C7orf33: variants seen among roughly 807,000 people sequenced by gnomAD.
C7orf33 encodes chromosome 7 open reading frame 33.
C7orf33 carries 15 observed loss-of-function variants against 13.4 expected under a neutral mutation model. The observed-to-expected ratio is 1.12, with a 90% confidence interval of 0.75 to 1.72. The LOEUF is 1.72. Among genes scored for constraint, C7orf33 ranks in the 40% most tolerant of loss-of-function variants. The probability of loss-of-function intolerance (pLI) is 0.00; values close to 1 mark genes in which losing one functional copy is unlikely to be tolerated. For synonymous variants in C7orf33, 73 were observed against 83.2 expected (o/e 0.88, Z 0.67); for missense variants, 187 against 220.3 (o/e 0.85, Z 0.96).
intron 1 of C7orf33, among the ~76,000 whole-genome samples, chr7:148,610,420 C>G (rs948802399): frequency 6.6e-6 from 1 of 152,098 alleles, no homozygotes; most frequent in African/African-American, 2.4e-5. Context: ...CTCTTTCTCC[C>G]GTGCTCGATG....
intron 1 of C7orf33, among the ~76,000 whole-genome samples, chr7:148,598,263 G>A (rs969136141): frequency 7.9e-5 from 12 of 151,910 alleles, no homozygotes; most frequent in African/African-American, 2.9e-4. Context: ...GCTGTTTTGT[G>A]TGCCATTCTA....
intron 1 of C7orf33, among the ~76,000 whole-genome samples, chr7:148,606,210 A>C (rs1181810348): frequency 6.6e-6 from 1 of 152,198 alleles, no homozygotes; most frequent in Non-Finnish European, 1.5e-5. Context: ...AGACAGTTAC[A>C]CTTTTCTTAG....
At chr7:148,607,393 C>G (rs2116899591) in intron 1 of C7orf33, among the ~76,000 whole-genome samples, 1 of 152,266 alleles carries the variant, frequency 6.6e-6, no homozygotes, top group South Asian at 2.1e-4. Context: ...TTTCCTGCAT[C>G]TGTTTCTTCT....
chr7:148,610,785 T>TA (rs1160361840), intron 1 of C7orf33, among the ~76,000 whole-genome samples: 2 of 151,904 alleles, frequency 1.3e-5, no homozygotes, highest in Non-Finnish European at 2.9e-5. Context: ...CAGGGCTAGT[T>TA]AAAAAACAAG....
In C7orf33 at chr7:148,591,126, TA is replaced by T. The variant is rs769347079; in HGVS notation, c.203del (p.Lys68ArgfsTer9). The stretch of plus-strand genomic sequence containing the variant: ...ACTTGTCATATGCCACGGGAAGACA[TA>T]AGGTAAGTTAATGATTCTAAGATGA... ...FNLSYATGRH[K>X]KPNPHQNMNR... On this transcript the variant is annotated frameshift_variant and splice_region_variant, in exon 1 of 3. Transcript: ENST00000307003. LOFTEE classifies it high-confidence loss of function. 1 of 1,612,312 alleles carries T rather than the reference TA, an allele frequency of 6.2e-7. No homozygotes were observed. Among genetic ancestry groups the T allele is most frequent in the South Asian group, 1.1e-5 (1 of 90,880 alleles).
chr7:148,594,053 C>T (rs1170726935), intron 1 of C7orf33, among the ~76,000 whole-genome samples: 1 of 151,960 alleles, frequency 6.6e-6, no homozygotes, highest in Non-Finnish European at 1.5e-5. Flanking sequence ...GTTCGATGTG[C>T]CTGCTTCTAC....
intron 1 of C7orf33, among the ~76,000 whole-genome samples, chr7:148,608,612 C>T (rs527721403): frequency 3.0e-4 from 46 of 151,890 alleles, no homozygotes; most frequent in African/African-American, 7.0e-4. Context: ...GTCAGGAGAT[C>T]GAGACCATCC....
chr7:148,594,384 G>A (rs940070061), intron 1 of C7orf33, among the ~76,000 whole-genome samples: 3 of 151,942 alleles, frequency 2.0e-5, no homozygotes. Flanking sequence ...CACCATGTTA[G>A]CCAGGATGGT....
In C7orf33 at chr7:148,615,642, G is replaced by C. The variant is rs1340400272; in HGVS notation, c.*241G>C. ...ATTTGTGCACTGGTGTGGGGCCCAGGAGAGGACCACGGAGTGACAAGCCAC... is the reference window on the plus strand; with the variant it reads ...ATTTGTGCACTGGTGTGGGGCCCAGCAGAGGACCACGGAGTGACAAGCCAC... On this transcript the variant is annotated 3_prime_UTR_variant, in exon 3 of 3. Coordinates refer to ENST00000307003, the MANE Select transcript of C7orf33 (RefSeq NM_145304.4). 2.4e-6 allele frequency: 1 copy of C among 421,504 alleles called. No homozygotes were observed. Among genetic ancestry groups the C allele is most frequent in the Non-Finnish European group, 4.4e-6 (1 of 226,968 alleles). The allele number at this position is 421,504 out of a possible 1,614,324, so 26.1% of individuals were successfully genotyped here. A position where few individuals can be genotyped will look rare whatever the true frequency, so the allele number is the denominator to read the frequency against.
At chr7:148,600,053 G>A (rs191007409) in intron 1 of C7orf33, among the ~76,000 whole-genome samples, 2 of 152,326 alleles carry the variant, frequency 1.3e-5, no homozygotes, top group African/African-American at 4.8e-5. Flanking sequence ...GGATTTCACA[G>A]CCCATGCCCC....
chr7:148,594,442 C>G (rs56155442), intron 1 of C7orf33, among the ~76,000 whole-genome samples: 1 of 152,084 alleles, frequency 6.6e-6, no homozygotes, highest in Non-Finnish European at 1.5e-5. Flanking sequence ...TCCCAAAGTG[C>G]TGGGATTACA....
chr7:148,606,963 C>T (rs1246314110), intron 1 of C7orf33, among the ~76,000 whole-genome samples: 2 of 149,946 alleles, frequency 1.3e-5, no homozygotes, highest in South Asian at 2.1e-4. Flanking sequence ...CACACACACA[C>T]GAGAAAAACA....
chr7:148,597,190 A>G (rs1796349866), intron 1 of C7orf33, among the ~76,000 whole-genome samples: 1 of 151,522 alleles, frequency 6.6e-6, no homozygotes, highest in Non-Finnish European at 1.5e-5. Context: ...ATATATACAC[A>G]TATATATAAT....
Position 148,614,168 on chromosome 7 carries a change from A to T in C7orf33, c.331A>T (p.Arg111Ter), listed in dbSNP as rs1796576672. 1 of 1,614,124 alleles carries T rather than the reference A, an allele frequency of 6.2e-7. No individual in the cohort carries two copies. The highest frequency in any genetic ancestry group is 8.5e-7 in the Non-Finnish European group (1 of 1,180,054). ...TCCCACGGATGCCCAGAGAGCAGTCAGAATCAGGCCAGGCACCAGGATGGG... is the reference window on the plus strand; with the variant it reads ...TCCCACGGATGCCCAGAGAGCAGTCTGAATCAGGCCAGGCACCAGGATGGG... ...QGPTDAQRAV[R>*]IRPGTRMGLS... The change falls in exon 2 of 3, where the codon AGA (arginine) becomes TGA (stop). Residue 111 changes from arginine to a stop codon, truncating the protein, a stop_gained. Coordinates refer to ENST00000307003, the MANE Select transcript of C7orf33 (RefSeq NM_145304.4). LOFTEE classifies it high-confidence loss of function.
intron 1 of C7orf33, among the ~76,000 whole-genome samples, chr7:148,598,753 TATATATATATAGAGAGAGAGAGAGAG>T (rs1366807494): frequency 3.1e-3 from 194 of 62,510 alleles, no homozygotes; most frequent in African/African-American, 0.011. Flanking sequence ...TATATATATA[TATATATATATAGAGAGAGAGAGAGAG>T]AGAGAGAGAG....
intron 1 of C7orf33, among the ~76,000 whole-genome samples, chr7:148,606,667 A>C (rs1339854651): frequency 1.3e-5 from 2 of 152,070 alleles, no homozygotes; most frequent in Non-Finnish European, 2.9e-5. Context: ...CATCACTGCA[A>C]CCTCCACCTC....
chr7:148,615,053 T>C (rs1767676569), intron 2 of C7orf33, among the ~76,000 whole-genome samples: 1 of 152,180 alleles, frequency 6.6e-6, no homozygotes, highest in African/African-American at 2.4e-5. Flanking sequence ...TTAATACTTT[T>C]TAAAATTTTT....
intron 1 of C7orf33, among the ~76,000 whole-genome samples, chr7:148,599,726 G>C (rs1796391693): frequency 6.6e-6 from 1 of 152,064 alleles, no homozygotes; most frequent in Non-Finnish European, 1.5e-5. Flanking sequence ...ACCCACCTCG[G>C]CCTCCCAAAG....
chr7:148,608,334 G>A (rs2116900577), intron 1 of C7orf33, among the ~76,000 whole-genome samples: 1 of 152,168 alleles, frequency 6.6e-6, no homozygotes, highest in East Asian at 1.9e-4. Flanking sequence ...GGAAGCTGAG[G>A]CAGGAGAATC....
Sources: gnomAD v4.1 joint callset for allele counts (sites outside exome capture counted in the v4.1 genomes callset) on GRCh38, gnomAD v4.1.1 for gene constraint, MANE v1.5 for transcripts, NCBI Gene and HGNC (gene_info 2026-07-23, HGNC 2026-07-21) for gene names.